Variants in AFAP1L2 observed in about 807,000 individuals in gnomAD.
AFAP1L2 encodes the protein actin filament-associated protein 1-like 2.
Under a neutral mutation model 99.3 loss-of-function variants are expected in AFAP1L2, and 46 were observed. That is an observed-to-expected ratio of 0.46 (90% CI 0.37 to 0.59). The LOEUF is 0.59. Among genes scored for constraint, AFAP1L2 ranks in the 20% least tolerant of loss-of-function variants. The pLI, the probability that AFAP1L2 is intolerant of heterozygous loss-of-function variation, is 0.00. For missense variants in AFAP1L2, 959 were observed against 1,034.9 expected, an observed-to-expected ratio of 0.93 and a Z score of 1.01; for synonymous variants, 397 against 419.1, an observed-to-expected ratio of 0.95 and a Z score of 0.64.
chr10:114,404,512 C>T, upstream of AFAP1L2: 1 of 1,509,708 alleles, frequency 6.6e-7, no homozygotes, highest in Middle Eastern at 1.9e-4. Context: ...TCCCGGCGCT[C>T]GGCTCAGCGC....
chr10:114,339,873 T>C (rs900910737), intron 2 of AFAP1L2, among the ~76,000 whole-genome samples: 4 of 151,278 alleles, frequency 2.6e-5, no homozygotes, highest in African/African-American at 9.7e-5. Context: ...TAGCTGGGCA[T>C]GGTGGTGGGC....
intron 4 of AFAP1L2, among the ~76,000 whole-genome samples, chr10:114,328,961 G>A (rs373920819): frequency 1.2e-4 from 19 of 152,302 alleles, no homozygotes; most frequent in African/African-American, 3.6e-4. Flanking sequence ...GTCCACACCC[G>A]TCTCTGGTCC....
intron 1 of AFAP1L2, among the ~76,000 whole-genome samples, chr10:114,362,712 TCACGGAGCTAGAGTAG>T (rs1422289572): frequency 6.6e-6 from 1 of 151,944 alleles, no homozygotes; most frequent in Admixed American, 6.5e-5. Context: ...CCCCATCAAC[TCACGGAGCTAGAGTAG>T]AATAGGGGTC....
At chr10:114,362,006 A>G (rs2052503256) in intron 1 of AFAP1L2, among the ~76,000 whole-genome samples, 2 of 152,204 alleles carry the variant, frequency 1.3e-5, no homozygotes, top group Non-Finnish European at 2.9e-5. Context: ...TTCTTATGAT[A>G]AAGGGTGGAC....
At position 114,300,301 on chromosome 10, in the gene AFAP1L2, G is replaced by A. The variant is rs144011687; in HGVS notation, c.1850C>T (p.Thr617Met). The A allele has an allele frequency of 1.3e-4, 215 of 1,614,132 alleles. No individual in the cohort carries two copies. The African/African-American group carries it at 1.6e-3, about 12-fold the overall frequency. ...SLRITTVKIQTEQQRISFPPS... is the reference protein window; with the variant it reads ...SLRITTVKIQMEQQRISFPPS... ...TGGGAAGGAGATTCTCTGCTGTTCC[G>A]TCTGGATTTTGACGGTGGTGATTCT... Residue 617 changes from threonine (T) to methionine (M), a missense_variant, in exon 15 of 19, where the codon ACG becomes ATG. Physicochemically the swap from Thr to Met is moderately conservative, Grantham distance 81. Coordinates refer to ENST00000304129, the MANE Select transcript of AFAP1L2 (RefSeq NM_001001936.3).
chr10:114,317,669 G>A (rs2044344372), intron 5 of AFAP1L2, among the ~76,000 whole-genome samples: 1 of 152,130 alleles, frequency 6.6e-6, no homozygotes, highest in South Asian at 2.1e-4. Flanking sequence ...GACCAGCCTG[G>A]GCAGCATGGC....
the AFAP1L2 span, among the ~76,000 whole-genome samples, chr10:114,284,294 G>A: frequency 2.0e-5 from 3 of 152,048 alleles, no homozygotes; most frequent in Non-Finnish European, 4.4e-5. Context: ...GACTTTCTGC[G>A]GATTAATTCA....
At chr10:114,301,584 C>A in intron 12 of AFAP1L2, 119 bp from the exon 13 acceptor site, 1 of 716,510 alleles carries the variant, frequency 1.4e-6, no homozygotes, top group Admixed American at 2.1e-5. Flanking sequence ...CACAAGAGAT[C>A]TGGGGGCTGA....
At chr10:114,376,645 A>G (rs778233382) in intron 1 of AFAP1L2, among the ~76,000 whole-genome samples, 4 of 152,212 alleles carry the variant, frequency 2.6e-5, no homozygotes, top group African/African-American at 4.8e-5. Flanking sequence ...CTAACTCAAA[A>G]GCCACAAGGA....
At chr10:114,311,934 T>C (rs550209449) in intron 7 of AFAP1L2, among the ~76,000 whole-genome samples, 1 of 152,214 alleles carries the variant, frequency 6.6e-6, no homozygotes, top group East Asian at 1.9e-4. Flanking sequence ...ATCAGACAGG[T>C]GGACCAGCCC....
At chr10:114,354,142 A>G (rs924138554) in intron 1 of AFAP1L2, among the ~76,000 whole-genome samples, 1 of 152,210 alleles carries the variant, frequency 6.6e-6, no homozygotes, top group South Asian at 2.1e-4. Flanking sequence ...ATAGCTGATG[A>G]AATGGATGGA....
rs778095805 is a variant in AFAP1L2 at position 114,300,153 on chromosome 10, A to G, written c.1957+41T>C. The G allele has an allele frequency of 2.5e-6, 4 of 1,613,498 alleles. No homozygotes were observed. The South Asian group carries it at 4.4e-5, about 18-fold the overall frequency. Reference sequence around the variant, plus strand: ...TCTGTCCCTCTAGAGAACCCTGACTAATACAGATGGAATCGGGCTAACTTC... The same window carrying G: ...TCTGTCCCTCTAGAGAACCCTGACTGATACAGATGGAATCGGGCTAACTTC... On this transcript the variant is annotated intron_variant, in intron 15 of 18. Transcript: ENST00000304129.
chr10:114,349,383 C>CAAAAAAAAAAA (rs113553514), intron 1 of AFAP1L2, among the ~76,000 whole-genome samples: 7 of 86,156 alleles, frequency 8.1e-5, no homozygotes, highest in African/African-American at 1.9e-4. Flanking sequence ...AACTCGGTCT[C>CAAAAAAAAAAA]AAAAAAAAAA....
chr10:114,340,811 A>G (rs911087154), intron 1 of AFAP1L2, 80 bp from the exon 2 acceptor site: 3 of 1,592,974 alleles, frequency 1.9e-6, no homozygotes, highest in African/African-American at 1.3e-5. Context: ...GGGACCCTGC[A>G]GCCTCCCACC....
chr10:114,340,148 A>G (rs1005669231), intron 2 of AFAP1L2, among the ~76,000 whole-genome samples: 3 of 149,038 alleles, frequency 2.0e-5, no homozygotes, highest in Middle Eastern at 3.5e-3. Flanking sequence ...CCTGGGCAAC[A>G]TGGTGAAATC....
chr10:114,398,887 G>C, intron 1 of AFAP1L2: 1 of 1,304,354 alleles, frequency 7.7e-7, no homozygotes, highest in South Asian at 1.2e-5. Context: ...TGTACCACCA[G>C]ACAGCAACAC....
At chr10:114,328,909 G>C (rs913495639) in intron 4 of AFAP1L2, among the ~76,000 whole-genome samples, 1 of 152,232 alleles carries the variant, frequency 6.6e-6, no homozygotes, top group African/African-American at 2.4e-5. Flanking sequence ...AGAGGTGGGT[G>C]CCTTGCACAA....
At chr10:114,372,025 C>G (rs2054186216) in intron 1 of AFAP1L2, among the ~76,000 whole-genome samples, 1 of 152,188 alleles carries the variant, frequency 6.6e-6, no homozygotes, top group Non-Finnish European at 1.5e-5. Flanking sequence ...AACTTCTCCC[C>G]AGCAAGTCAC....
At chr10:114,310,700 AG>A (rs993092945) in intron 7 of AFAP1L2, among the ~76,000 whole-genome samples, 6 of 152,014 alleles carry the variant, frequency 3.9e-5, no homozygotes, top group Admixed American at 2.0e-4. Context: ...TGGGCATGCG[AG>A]GGGGGGCCTT....
Sources: allele counts gnomAD v4.1 joint callset (sites outside exome capture counted in the v4.1 genomes callset), GRCh38; gene constraint gnomAD v4.1.1; transcripts MANE v1.5; gene names NCBI Gene and HGNC (gene_info 2026-07-23, HGNC 2026-07-21).